The following YEATS2 variants were observed in gnomAD, a reference collection of about 807,000 sequenced individuals.
YEATS2 encodes YEATS domain-containing protein 2.
YEATS2 carries 77 observed loss-of-function variants against 163.2 expected under a neutral mutation model. That is an observed-to-expected ratio of 0.47 (90% CI 0.39 to 0.57). YEATS2 has a LOEUF of 0.57. Among genes scored for constraint, YEATS2 ranks in the 20% least tolerant of loss-of-function variants. The pLI, the probability that YEATS2 is intolerant of heterozygous loss-of-function variation, is 0.00. For missense variants in YEATS2, 1,549 were observed against 1,729.8 expected, an observed-to-expected ratio of 0.90 and a Z score of 1.85; for synonymous variants, 631 against 645.1, an observed-to-expected ratio of 0.98 and a Z score of 0.33.
intron 2 of YEATS2, among the ~76,000 whole-genome samples, chr3:183,715,798 A>G (rs1287759054): frequency 6.6e-6 from 1 of 152,162 alleles, no homozygotes; most frequent in Non-Finnish European, 1.5e-5. Flanking sequence ...GATCTAGTTC[A>G]ACCCTTGTAC....
At chr3:183,720,952 C>T (rs570989358) in intron 4 of YEATS2, among the ~76,000 whole-genome samples, 24 of 152,192 alleles carry the variant, frequency 1.6e-4, no homozygotes, top group African/African-American at 5.5e-4. Flanking sequence ...GTGTCTGTGT[C>T]CAAGTTTCCC....
chr3:183,730,020 C>T (rs1174432379), intron 7 of YEATS2, among the ~76,000 whole-genome samples: 1 of 133,824 alleles, frequency 7.5e-6, no homozygotes, highest in African/African-American at 2.8e-5. Flanking sequence ...TGATGTTACA[C>T]ACATATATAT....
rs1715016495 is a variant in YEATS2, at chr3:183,709,896, G to A, written c.-19-5248G>A. On this transcript the variant is annotated intron_variant, in intron 1 of 30. Transcript: ENST00000305135. Reference sequence around the variant, plus strand: ...GGGGTTTCCCCATGTTAGCCAGGATGGTCTTCATCTCCTGACCTTGTGATC... The same window carrying A: ...GGGGTTTCCCCATGTTAGCCAGGATAGTCTTCATCTCCTGACCTTGTGATC... 2.0e-5 allele frequency among the ~76,000 whole-genome samples: 3 copies of A among 150,848 alleles called. No homozygotes were observed. In the South Asian group the frequency reaches 6.3e-4, roughly 32 times the overall value.
At chr3:183,792,594 T>C (rs1486853395) in intron 21 of YEATS2, among the ~76,000 whole-genome samples, 1 of 152,198 alleles carries the variant, frequency 6.6e-6, no homozygotes, top group Non-Finnish European at 1.5e-5. Flanking sequence ...CTCGGCTCAC[T>C]GCAACCTCTG....
At chr3:183,736,915 C>A (rs1718400571) in intron 8 of YEATS2, 86 bp downstream of exon 8, 2 of 1,190,196 alleles carry the variant, frequency 1.7e-6, no homozygotes, top group African/African-American at 1.5e-5. Flanking sequence ...CGGTTAAGGA[C>A]CCCCTCGCAT....
intron 7 of YEATS2, among the ~76,000 whole-genome samples, chr3:183,733,153 G>A (rs1717984301): frequency 6.6e-6 from 1 of 152,214 alleles, no homozygotes; most frequent in Admixed American, 6.5e-5. Flanking sequence ...GATACTGAGT[G>A]AATTATTGAA....
At chr3:183,797,326 C>T (rs1392730255) in intron 21 of YEATS2, among the ~76,000 whole-genome samples, 5 of 148,498 alleles carry the variant, frequency 3.4e-5, no homozygotes, top group East Asian at 2.0e-4. Flanking sequence ...GAGGATCGCT[C>T]GAGGCCAGGA....
At chr3:183,779,896 C>G (rs930003946) in intron 19 of YEATS2, among the ~76,000 whole-genome samples, 1 of 151,754 alleles carries the variant, frequency 6.6e-6, no homozygotes, top group African/African-American at 2.4e-5. Context: ...CGGGGTTTCA[C>G]CACGTTGGTC....
chr3:183,804,735 C>G (rs370125037), intron 27 of YEATS2, among the ~76,000 whole-genome samples: 211 of 152,220 alleles, frequency 1.4e-3, no homozygotes, highest in African/African-American at 4.4e-3. Context: ...CGCCTGTAAT[C>G]CCAGCACTTT....
At chr3:183,712,599 C>G (rs1260372462) in intron 1 of YEATS2, among the ~76,000 whole-genome samples, 2 of 152,058 alleles carry the variant, frequency 1.3e-5, no homozygotes, top group African/African-American at 4.8e-5. Context: ...ATTTGGAAAT[C>G]AGAGAGCTAT....
rs2108536822 is a variant in YEATS2, at chr3:183,807,011, G to T, written c.3930G>T (p.Glu1310Asp). ...CAGTGAAGATAAACATCAAGAAGGA[G>T]CAGGAAGAGAAACAAGAGGAAGTCA... ...SEPVKINIKK[E>D]QEEKQEEVKF... The change falls in exon 28 of 31, where the codon GAG becomes GAT. Residue 1310 changes from glutamate (E) to aspartate (D), a missense_variant. Glu to Asp is a conservative substitution (Grantham distance 45, BLOSUM62 2). Transcript: ENST00000305135. 1 of 1,614,196 alleles carries T rather than the reference G, an allele frequency of 6.2e-7. No homozygotes were observed. The highest frequency in any genetic ancestry group is 1.1e-5 in the South Asian group (1 of 91,070).
At chr3:183,776,969 GA>G (rs1723067393) in intron 18 of YEATS2, among the ~76,000 whole-genome samples, 1 of 151,398 alleles carries the variant, frequency 6.6e-6, no homozygotes, top group Non-Finnish European at 1.5e-5. Context: ...AAAAAAAAAG[GA>G]AAAGAATTTG....
rs373737145 is a variant in YEATS2 at position 183,722,201 on chromosome 3, C to T, written c.537+65C>T. 57 of 1,508,434 alleles carry T rather than the reference C, an allele frequency of 3.8e-5. No homozygotes were observed. In the East Asian group the frequency reaches 4.4e-4, roughly 12 times the overall value. 93.4% of individuals were successfully genotyped at this position (1,508,434 alleles called of 1,614,324 possible). A position where few individuals can be genotyped will look rare whatever the true frequency, so the allele number is the denominator to read the frequency against. On this transcript the variant is annotated intron_variant, in intron 5 of 30. Coordinates refer to ENST00000305135, the MANE Select transcript of YEATS2 (RefSeq NM_018023.5). Reference sequence around the variant, plus strand: ...AGGGAACTATATTTACTAAAGTATGCGCTTGTTATCTCACTGAACTGTCAC... The same window carrying T: ...AGGGAACTATATTTACTAAAGTATGTGCTTGTTATCTCACTGAACTGTCAC...
At chr3:183,762,644 C>T (rs1484863887) in intron 15 of YEATS2, among the ~76,000 whole-genome samples, 1 of 151,362 alleles carries the variant, frequency 6.6e-6, no homozygotes, top group East Asian at 1.9e-4. Flanking sequence ...GTAGTTTATA[C>T]CTCTGATGTT....
chr3:183,707,846 T>C (rs553805226), intron 1 of YEATS2, among the ~76,000 whole-genome samples: 1 of 151,878 alleles, frequency 6.6e-6, no homozygotes, highest in East Asian at 1.9e-4. Flanking sequence ...AGCTAATTTT[T>C]TGTATTTTTG....
Position 183,772,571 on chromosome 3 carries a change from G to C in YEATS2, c.2206+8G>C. ...GTGGATCCCAGGGTTCAGGTAAAAC[G>C]GATCATCACTGGGAGCCCTTTCAGC... On this transcript the variant is annotated splice_region_variant and intron_variant, in intron 16 of 30. Transcript: ENST00000305135. 2 of 1,612,964 alleles carry C rather than the reference G, an allele frequency of 1.2e-6. No individual in the cohort carries two copies. Among genetic ancestry groups the C allele is most frequent in the Non-Finnish European group, 1.7e-6 (2 of 1,179,550 alleles).
chr3:183,764,049 CAGAG>C (rs1176784329), intron 15 of YEATS2, among the ~76,000 whole-genome samples: 1 of 151,936 alleles, frequency 6.6e-6, no homozygotes, highest in South Asian at 2.1e-4. Flanking sequence ...GCCTGGGTGA[CAGAG>C]GGAGACTGTC....
At chr3:183,806,547 A>T in intron 27 of YEATS2, 1 of 443,342 alleles carries the variant, frequency 2.3e-6, no homozygotes, top group Non-Finnish European at 4.3e-6. Context: ...ATTTGAGATG[A>T]GGAAAAATCA....
chr3:183,754,504 C>CTGT, intron 11 of YEATS2, 139 bp downstream of exon 11: 1 of 1,212,266 alleles, frequency 8.2e-7, no homozygotes, highest in Non-Finnish European at 1.1e-6. Context: ...AAGTTTATCA[C>CTGT]TGTTGATTGG....
Sources: allele counts gnomAD v4.1 joint callset (sites outside exome capture counted in the v4.1 genomes callset), GRCh38; gene constraint gnomAD v4.1.1; transcripts MANE v1.5; gene names NCBI Gene and HGNC (gene_info 2026-07-23, HGNC 2026-07-21).